NFIB: variants seen among roughly 807,000 people sequenced by gnomAD.
NFIB encodes the protein nuclear factor 1 B-type.
Under a neutral mutation model 61.5 loss-of-function variants are expected in NFIB, and 11 were observed. That is an observed-to-expected ratio of 0.18 (90% confidence interval 0.11 to 0.30). NFIB has a LOEUF of 0.30. Ranked by LOEUF, NFIB falls within the 10% of genes least tolerant of loss-of-function variation. The pLI is 1.00. For missense variants in NFIB, 471 were observed against 608.9 expected, an observed-to-expected ratio of 0.77 and a Z score of 2.38; for synonymous variants, 260 against 216.5, an observed-to-expected ratio of 1.20 and a Z score of -1.76.
chr9:14,134,801 G>A (rs939966120), intron 6 of NFIB, among the ~76,000 whole-genome samples: 4 of 150,882 alleles, frequency 2.7e-5, no homozygotes, highest in African/African-American at 7.3e-5. Flanking sequence ...GGAGGTTAGG[G>A]CAGGAAGAGT....
chr9:14,410,902 G>A, the NFIB span, among the ~76,000 whole-genome samples: 2 of 152,150 alleles, frequency 1.3e-5, no homozygotes, highest in African/African-American at 4.8e-5. Context: ...GAATATAAAT[G>A]TTAAAGATAA....
At chr9:14,336,637 G>C (rs1211491367) in intron 1 of NFIB, among the ~76,000 whole-genome samples, 1 of 152,208 alleles carries the variant, frequency 6.6e-6, no homozygotes, top group Non-Finnish European at 1.5e-5. Flanking sequence ...GATATTTTAA[G>C]CAGGACCAGC....
intron 2 of NFIB, among the ~76,000 whole-genome samples, chr9:14,296,055 G>A (rs964438629): frequency 3.4e-4 from 51 of 152,208 alleles, no homozygotes; most frequent in Admixed American, 2.3e-3. Flanking sequence ...ATATTCACGC[G>A]CACTACAGTG....
chr9:14,117,709 T>A (rs1243997432), intron 8 of NFIB, among the ~76,000 whole-genome samples: 1 of 152,168 alleles, frequency 6.6e-6, no homozygotes, highest in African/African-American at 2.4e-5. Flanking sequence ...TGGGTAATTT[T>A]AAGTATTTAA....
chr9:14,500,095 G>A, the NFIB span, among the ~76,000 whole-genome samples: 1 of 152,256 alleles, frequency 6.6e-6, no homozygotes, highest in East Asian at 1.9e-4. Context: ...TCTCCTGCCA[G>A]TCACACTGGT....
the NFIB span, among the ~76,000 whole-genome samples, chr9:14,521,295 T>G: frequency 6.6e-6 from 1 of 152,246 alleles, no homozygotes; most frequent in Non-Finnish European, 1.5e-5. Flanking sequence ...CAAATCTCTT[T>G]GATTTGGGCT....
chr9:14,381,073 C>CAAAGA (rs2061483209), intron 1 of NFIB, among the ~76,000 whole-genome samples: 1 of 82,562 alleles, frequency 1.2e-5, no homozygotes, highest in African/African-American at 4.0e-5. Flanking sequence ...GACTCCGTCT[C>CAAAGA]AAAAAAAAAA....
chr9:14,505,931 G>A, the NFIB span, among the ~76,000 whole-genome samples: 5 of 152,268 alleles, frequency 3.3e-5, no homozygotes, highest in African/African-American at 9.6e-5. Flanking sequence ...TATTTTTTGA[G>A]CCACTCTACT....
intron 10 of NFIB, among the ~76,000 whole-genome samples, chr9:14,106,220 A>G (rs1482645790): frequency 2.0e-5 from 3 of 152,096 alleles, no homozygotes; most frequent in Non-Finnish European, 4.4e-5. Context: ...GTGGGGAACA[A>G]TTCTTATTTT....
chr9:14,217,058 C>T (rs2094025620), intron 2 of NFIB, among the ~76,000 whole-genome samples: 1 of 152,196 alleles, frequency 6.6e-6, no homozygotes, highest in Admixed American at 6.5e-5. Flanking sequence ...TGTGAAATGA[C>T]TAACATTTGA....
Position 14,113,022 on chromosome 9 carries a change from G to T in NFIB, c.1444C>A (p.Pro482Thr), listed in dbSNP as rs1300050988. The change falls in exon 10 of 11, where the codon CCA becomes ACA. Residue 482 changes from proline (P) to threonine (T), a missense_variant. By Grantham distance (38) the Pro-to-Thr change is conservative. This residue lies in a region of NFIB where 372 missense variants were observed against 395.6 expected (regional missense o/e 0.94). Transcript: ENST00000380953. ...ACCTGTTGCTGATGTAGGAAGGATG[G>T]GTCTCTTGGGCTTAGTCCCACATAT... ...NRYVGLSPRD[P>T]SFLHQQQSWY... 6 of 1,550,296 alleles carry T rather than the reference G, an allele frequency of 3.9e-6. No homozygotes were observed. The South Asian group carries it at 4.8e-5, about 12-fold the overall frequency.
At chr9:14,425,350 C>G in the NFIB span, among the ~76,000 whole-genome samples, 1 of 152,072 alleles carries the variant, frequency 6.6e-6, no homozygotes, top group Non-Finnish European at 1.5e-5. Flanking sequence ...TCTGCCAGCC[C>G]TGCCTTTAGT....
At chr9:14,504,176 G>A in the NFIB span, among the ~76,000 whole-genome samples, 26 of 152,122 alleles carry the variant, frequency 1.7e-4, 1 homozygote, top group East Asian at 3.9e-4. Context: ...ATTCTGTTCC[G>A]TTGGTCTATG....
chr9:14,473,580 C>A, the NFIB span, among the ~76,000 whole-genome samples: 1 of 152,178 alleles, frequency 6.6e-6, no homozygotes, highest in Non-Finnish European at 1.5e-5. Flanking sequence ...CACAGCCCTG[C>A]AAGACTAGTC....
chr9:14,268,785 A>G (rs111634244), intron 2 of NFIB, among the ~76,000 whole-genome samples: 2 of 152,234 alleles, frequency 1.3e-5, no homozygotes, highest in Non-Finnish European at 2.9e-5. Context: ...ATTGGTCTTC[A>G]TATTTCTCTA....
intron 1 of NFIB, chr9:14,322,027 T>C: frequency 8.1e-7 from 1 of 1,227,360 alleles, no homozygotes. Context: ...CAGGTACAGA[T>C]TTGTGGATTT....
chr9:14,395,726 C>CTTTTTT (rs35417792), intron 1 of NFIB, among the ~76,000 whole-genome samples: 1 of 65,724 alleles, frequency 1.5e-5, no homozygotes, highest in Non-Finnish European at 3.0e-5. Flanking sequence ...ATTCTTTTGA[C>CTTTTTT]TTTTTTTTTT....
At chr9:14,335,616 A>G (rs568459257) in intron 1 of NFIB, among the ~76,000 whole-genome samples, 4 of 152,220 alleles carry the variant, frequency 2.6e-5, no homozygotes, top group African/African-American at 4.8e-5. Flanking sequence ...GATTTGCAAT[A>G]TTTTCTGCCA....
intron 1 of NFIB, among the ~76,000 whole-genome samples, chr9:14,395,760 C>T (rs1203171145): frequency 7.3e-6 from 1 of 137,396 alleles, no homozygotes; most frequent in Non-Finnish European, 1.6e-5. Context: ...TTTTTGCCAC[C>T]CAAACAGCAT....
Sources: gnomAD v4.1 joint callset for allele counts (sites outside exome capture counted in the v4.1 genomes callset) on GRCh38, gnomAD v4.1.1 for gene constraint, gnomAD v4.1.1 regional missense constraint, MANE v1.5 for transcripts, NCBI Gene and HGNC (gene_info 2026-07-23, HGNC 2026-07-21) for gene names.